DYNC1H1: variants seen among roughly 807,000 people sequenced by gnomAD.
DYNC1H1 encodes cytoplasmic dynein 1 heavy chain 1.
Under a neutral mutation model 527.1 loss-of-function variants are expected in DYNC1H1, and 51 were observed. The observed-to-expected ratio is 0.10, with a 90% confidence interval of 0.08 to 0.12. DYNC1H1 has a LOEUF of 0.12. DYNC1H1 is among the 10% of genes least tolerant of loss of function. The pLI is 1.00. For missense variants in DYNC1H1, 2,771 were observed against 5,971.8 expected, an observed-to-expected ratio of 0.46 and a Z score of 17.66; for synonymous variants, 2,189 against 2,278.8, an observed-to-expected ratio of 0.96 and a Z score of 1.12.
In DYNC1H1 at chr14:102,006,089, C is replaced by T; in HGVS notation, c.5635C>T (p.Leu1879=). Reference sequence around the variant, plus strand: ...TGAGTACCTGGGTGTTCAGGACAAACTGGTCCAGACCCCCCTCACTGACCG... The same window carrying T: ...TGAGTACCTGGGTGTTCAGGACAAATTGGTCCAGACCCCCCTCACTGACCG... ...GFEYLGVQDK[L]VQTPLTDRCY... The change falls in exon 27 of 78, where the codon CTG becomes TTG. Residue 1879 remains leucine (L), a synonymous_variant. Coordinates refer to ENST00000360184, the MANE Select transcript of DYNC1H1 (RefSeq NM_001376.5). The T allele has an allele frequency of 6.2e-7, 1 of 1,614,242 alleles. No individual in the cohort carries two copies. The highest frequency in any genetic ancestry group is 8.5e-7 in the Non-Finnish European group (1 of 1,180,040).
chr14:101,971,330 C>A (rs192269710), intron 1 of DYNC1H1, among the ~76,000 whole-genome samples: 1 of 151,902 alleles, frequency 6.6e-6, no homozygotes. Context: ...CACCTTGGCC[C>A]CTCAAAGTAC....
At position 102,012,130 on chromosome 14, in the gene DYNC1H1, C is replaced by G. The variant is rs2152579172; in HGVS notation, c.6857+17C>G. 5 of 1,613,958 alleles carry G rather than the reference C, an allele frequency of 3.1e-6. No homozygotes were observed. Among genetic ancestry groups the G allele is most frequent in the African/African-American group, 1.3e-5 (1 of 75,026 alleles). ...GCTGAGAAAGTACGTCTTCTTTGAT[C>G]TGTGTTTGTGTTCTCCTGGATATGG... is the stretch of plus-strand genomic sequence containing the variant. On this transcript the variant is annotated intron_variant, in intron 33 of 77. Transcript: ENST00000360184. The surrounding 1 kb of genome is among the most constrained non-coding windows in gnomAD (Gnocchi z 4.9).
chr14:102,003,465 TTGGTCAG>T (rs2048155452), intron 23 of DYNC1H1, among the ~76,000 whole-genome samples: 1 of 152,140 alleles, frequency 6.6e-6, no homozygotes, highest in African/African-American at 2.4e-5. Flanking sequence ...TTTCGCCATG[TTGGTCAG>T]ACTTGTCTAG....
At chr14:101,967,036 GT>G (rs2047675487) in intron 1 of DYNC1H1, among the ~76,000 whole-genome samples, 1 of 152,152 alleles carries the variant, frequency 6.6e-6, no homozygotes, top group Admixed American at 6.5e-5. Context: ...AATCCTTGAA[GT>G]ATTTCTACCA....
At position 102,017,316 on chromosome 14, in the gene DYNC1H1, C is replaced by A; in HGVS notation, c.8055+22C>A. The A allele has an allele frequency of 6.2e-7, 1 of 1,614,214 alleles. No homozygotes were observed. The highest frequency in any genetic ancestry group is 1.3e-5 in the African/African-American group (1 of 75,050). ...ACAGGTTTGTTTCTATCCACAAGGC[C>A]CTTCCTGCCCCACAATGTTTCTTGT... On this transcript the variant is annotated intron_variant, in intron 39 of 77. Transcript: ENST00000360184. This position sits in a 1 kb window ranked among gnomAD's most constrained non-coding sequence, Gnocchi z 4.6.
chr14:101,988,907 C>T (rs761313244), intron 10 of DYNC1H1, 55 bp downstream of exon 10: 34 of 1,606,940 alleles, frequency 2.1e-5, no homozygotes, highest in African/African-American at 2.7e-5. Context: ...AAAACTCTCT[C>T]GTTAAAAAAC....
chr14:101,973,060 T>A (rs549245304), intron 1 of DYNC1H1, among the ~76,000 whole-genome samples: 84 of 152,312 alleles, frequency 5.5e-4, no homozygotes, highest in African/African-American at 1.9e-3. Context: ...TTAGTTTTTT[T>A]AATAGTCGTT....
Position 101,979,226 on chromosome 14 carries a change from C to A in DYNC1H1, c.345-93C>A. ...GCAGTGCATTTCACTATTAGAAAAG[C>A]AACACTTCAGTATATTCTTGTATGA... On this transcript the variant is annotated intron_variant, in intron 2 of 77. Coordinates refer to ENST00000360184, the MANE Select transcript of DYNC1H1 (RefSeq NM_001376.5). This position sits in a 1 kb window ranked among gnomAD's most constrained non-coding sequence, Gnocchi z 4.6. 7.8e-7 allele frequency: 1 copy of A among 1,278,890 alleles called. No homozygotes were observed. Among genetic ancestry groups the A allele is most frequent in the Non-Finnish European group, 1.1e-6 (1 of 899,240 alleles). 79.2% of individuals were successfully genotyped at this position (1,278,890 alleles called of 1,614,324 possible). A position where few individuals can be genotyped will look rare whatever the true frequency, so the allele number is the denominator to read the frequency against.
In DYNC1H1 at chr14:102,018,692, G is replaced by A; in HGVS notation, c.8343+76G>A. On this transcript the variant is annotated intron_variant, in intron 41 of 77. Coordinates refer to ENST00000360184, the MANE Select transcript of DYNC1H1 (RefSeq NM_001376.5). This position sits in a 1 kb window ranked among gnomAD's most constrained non-coding sequence, Gnocchi z 5.2. Reference sequence around the variant, plus strand: ...AGGCACTCGATTGGTCAGGTGTGGTGGTTCACACCTGTAATCCCAGCATTT... The same window carrying A: ...AGGCACTCGATTGGTCAGGTGTGGTAGTTCACACCTGTAATCCCAGCATTT... 1 of 1,555,714 alleles carries A rather than the reference G, an allele frequency of 6.4e-7. No individual in the cohort carries two copies. Among genetic ancestry groups the A allele is most frequent in the Non-Finnish European group, 8.7e-7 (1 of 1,147,360 alleles).
intron 52 of DYNC1H1, 189 bp from the exon 53 acceptor site, chr14:102,032,876 A>G: frequency 7.8e-6 from 5 of 638,098 alleles, no homozygotes; most frequent in Non-Finnish European, 1.1e-5. Flanking sequence ...AAAGAAAAAA[A>G]TTGTTCAAGT....
intron 41 of DYNC1H1, among the ~76,000 whole-genome samples, chr14:102,019,008 G>A (rs2048355704): frequency 6.6e-6 from 1 of 152,162 alleles, no homozygotes; most frequent in African/African-American, 2.4e-5. Context: ...ATGTTATTGA[G>A]CCGAGAGACT....
chr14:101,985,059 G>A lies in DYNC1H1; in HGVS notation c.1462-628G>A, dbSNP rs2047919355. 6.6e-6 allele frequency among the ~76,000 whole-genome samples: 1 copy of A among 150,658 alleles called. No individual in the cohort carries two copies. The highest frequency in any genetic ancestry group is 2.1e-4 in the South Asian group (1 of 4,766). On this transcript the variant is annotated intron_variant, in intron 7 of 77. Transcript: ENST00000360184. This position sits in a 1 kb window ranked among gnomAD's most constrained non-coding sequence, Gnocchi z 5.9. ...CCTCCCGAAGTGCTGGGATTACCAT[G>A]CCCAGCCCATCCAAATCTTTAGTGT...
Position 101,964,704 on chromosome 14 carries a change from G to A in DYNC1H1, c.13G>A (p.Gly5Arg). 6.3e-7 allele frequency: 1 copy of A among 1,593,150 alleles called. No homozygotes were observed. The highest frequency in any genetic ancestry group is 1.7e-4 in the Middle Eastern group (1 of 6,020). Residue 5 changes from glycine to arginine, a missense_variant, in exon 1 of 78, where the codon GGG becomes AGG. Gly to Arg is a moderately radical substitution (Grantham distance 125). Coordinates refer to ENST00000360184, the MANE Select transcript of DYNC1H1 (RefSeq NM_001376.5). This position sits in a 1 kb window ranked among gnomAD's most constrained non-coding sequence, Gnocchi z 5.5. MSEP[G>R]GGGGEDGSAG... ...CGAGCGCGACACCATGTCGGAGCCC[G>A]GGGGCGGCGGCGGCGAGGACGGCTC...
At position 102,001,810 on chromosome 14, in the gene DYNC1H1, C is replaced by A; in HGVS notation, c.4542+129C>A. The A allele has an allele frequency of 7.5e-7, 1 of 1,326,002 alleles. No individual in the cohort carries two copies. The highest frequency in any genetic ancestry group is 1.0e-6 in the Non-Finnish European group (1 of 952,880). 82.1% of individuals were successfully genotyped at this position (1,326,002 alleles called of 1,614,324 possible). On this transcript the variant is annotated intron_variant, in intron 21 of 77. Transcript: ENST00000360184. The surrounding 1 kb of genome is among the most constrained non-coding windows in gnomAD (Gnocchi z 5.0). The stretch of plus-strand genomic sequence containing the variant: ...TTTTTGAGACAGGGTCTCACTCTGT[C>A]TCCCACGCTGGAGTGCAGTGGCACC...
Position 101,964,966 on chromosome 14 carries a change from C to A in DYNC1H1, c.256+19C>A. On this transcript the variant is annotated intron_variant, in intron 1 of 77. Coordinates refer to ENST00000360184, the MANE Select transcript of DYNC1H1 (RefSeq NM_001376.5). This position sits in a 1 kb window ranked among gnomAD's most constrained non-coding sequence, Gnocchi z 5.5. The stretch of plus-strand genomic sequence containing the variant: ...CTCAAAGGTGCGGGGCCGCGGAGGG[C>A]AGGGTCGCCAGAGCCAGGCCTCGCG... 2 of 1,581,350 alleles carry A rather than the reference C, an allele frequency of 1.3e-6. No homozygotes were observed. The highest frequency in any genetic ancestry group is 1.7e-6 in the Non-Finnish European group (2 of 1,165,140).
At chr14:101,972,217 A>G (rs527275645) in intron 1 of DYNC1H1, among the ~76,000 whole-genome samples, 210 of 146,422 alleles carry the variant, frequency 1.4e-3, no homozygotes, top group African/African-American at 4.8e-3. Context: ...CAACTATTTA[A>G]AAAAAAAAAA....
At chr14:102,023,040 A>T (rs2048404736) in intron 43 of DYNC1H1, 160 bp downstream of exon 43, 2 of 1,152,928 alleles carry the variant, frequency 1.7e-6, no homozygotes, top group Admixed American at 2.0e-5. Flanking sequence ...AGGCAGGAGG[A>T]TCACTTGATC....
Position 102,040,638 on chromosome 14 carries a change from C to A in DYNC1H1, c.11906C>A (p.Thr3969Asn), listed in dbSNP as rs770525695. ...IWLDSSSPEQ[T>N]VPYLWSEETP... ...CTGGACAGCAGCTCCCCGGAGCAGA[C>A]TGTGCCCTACCTCTGGAGTGAAGAA... Residue 3969 changes from threonine (T) to asparagine (N), a missense_variant, in exon 64 of 78, where the codon ACT becomes AAT. By Grantham distance (65) the Thr-to-Asn change is moderately conservative. This residue lies in a region of DYNC1H1 where 120 missense variants were observed against 161.9 expected (regional missense o/e 0.74). Coordinates refer to ENST00000360184, the MANE Select transcript of DYNC1H1 (RefSeq NM_001376.5). 5.0e-6 allele frequency: 8 copies of A among 1,614,246 alleles called. No individual in the cohort carries two copies. The highest frequency in any genetic ancestry group is 6.8e-6 in the Non-Finnish European group (8 of 1,180,044).
Position 101,985,288 on chromosome 14 carries a change from T to C in DYNC1H1, c.1462-399T>C, listed in dbSNP as rs1434435901. 6.6e-6 allele frequency among the ~76,000 whole-genome samples: 1 copy of C among 152,188 alleles called. No individual in the cohort carries two copies. The highest frequency in any genetic ancestry group is 1.5e-5 in the Non-Finnish European group (1 of 68,034). The stretch of plus-strand genomic sequence containing the variant: ...AAAACAATTAAATGACTAATTTCTT[T>C]ATATATATTTTTTTCTCTTCTGAAT... On this transcript the variant is annotated intron_variant, in intron 7 of 77. Transcript: ENST00000360184. This position sits in a 1 kb window ranked among gnomAD's most constrained non-coding sequence, Gnocchi z 5.9.
Sources: gnomAD v4.1 joint callset for allele counts (sites outside exome capture counted in the v4.1 genomes callset) on GRCh38, gnomAD v4.1.1 for gene constraint, gnomAD v4.1.1 regional missense constraint, Gnocchi (gnomAD v3.1) non-coding constraint, MANE v1.5 for transcripts, NCBI Gene and HGNC (gene_info 2026-07-23, HGNC 2026-07-21) for gene names.